LYPD6: variants seen among roughly 807,000 people sequenced by gnomAD.
LYPD6 encodes LY6/PLAUR domain containing 6, also known as ly6/PLAUR domain-containing protein 6.
In LYPD6, 15 loss-of-function variants were observed where a neutral mutation model predicts 22.7. That is an observed-to-expected ratio of 0.66 (90% CI 0.44 to 1.02). The LOEUF is 1.02. Among genes scored for constraint, LYPD6 ranks in the 50% least tolerant of loss-of-function variants. The pLI is 0.00. For synonymous variants in LYPD6, 72 were observed against 77.5 expected, an observed-to-expected ratio of 0.93 and a Z score of 0.37; for missense variants, 189 against 208.4, an observed-to-expected ratio of 0.91 and a Z score of 0.57.
chr2:149,420,666 A>G (rs1304675232), intron 1 of LYPD6, among the ~76,000 whole-genome samples: 1 of 152,176 alleles, frequency 6.6e-6, no homozygotes, highest in Non-Finnish European at 1.5e-5. Context: ...ACCAGGAAAG[A>G]TGCCATGGTA....
chr2:149,467,191 AC>A (rs1681219787), intron 3 of LYPD6, among the ~76,000 whole-genome samples: 1 of 152,164 alleles, frequency 6.6e-6, no homozygotes, highest in South Asian at 2.1e-4. Context: ...AGATGACCTT[AC>A]CCTACTCCCA....
intron 2 of LYPD6, among the ~76,000 whole-genome samples, chr2:149,444,726 C>G (rs1393088166): frequency 6.6e-6 from 1 of 152,074 alleles, no homozygotes; most frequent in Admixed American, 6.5e-5. Flanking sequence ...TACAGCAGTT[C>G]AGTCACCTTT....
intron 1 of LYPD6, among the ~76,000 whole-genome samples, chr2:149,360,223 T>A (rs937369344): frequency 6.6e-6 from 1 of 152,206 alleles, no homozygotes; most frequent in Non-Finnish European, 1.5e-5. Flanking sequence ...TTTGTCACCA[T>A]CTTGGCTTTG....
intron 3 of LYPD6, among the ~76,000 whole-genome samples, chr2:149,463,519 T>G (rs1402154990): frequency 2.0e-5 from 3 of 152,146 alleles, no homozygotes; most frequent in Non-Finnish European, 4.4e-5. Context: ...AACCCAGCAG[T>G]TTCACTTCTG....
chr2:149,470,549 G>C (rs1226032813), intron 4 of LYPD6, 134 bp from the exon 5 acceptor site: 1 of 693,060 alleles, frequency 1.4e-6, no homozygotes, highest in Non-Finnish European at 2.5e-6. Context: ...CCTGAACGTA[G>C]AGTTGGCATC....
chr2:149,357,585 T>G (rs1051258418), intron 1 of LYPD6, among the ~76,000 whole-genome samples: 9 of 152,210 alleles, frequency 5.9e-5, no homozygotes, highest in African/African-American at 1.9e-4. Context: ...ACTGTTTTAG[T>G]ATTACAAATT....
intron 3 of LYPD6, among the ~76,000 whole-genome samples, chr2:149,454,959 C>G (rs912629478): frequency 2.6e-5 from 4 of 152,068 alleles, no homozygotes; most frequent in Non-Finnish European, 4.4e-5. Context: ...TACTTCTCTG[C>G]CCCTTAGCAG....
chr2:149,457,818 C>T (rs1242986515), intron 3 of LYPD6, among the ~76,000 whole-genome samples: 1 of 152,132 alleles, frequency 6.6e-6, no homozygotes, highest in Non-Finnish European at 1.5e-5. Context: ...TGAAGGGACT[C>T]TGAAAGGTGT....
Position 149,470,683 on chromosome 2 carries a change from G to C in LYPD6, c.349G>C (p.Val117Leu). Reference sequence around the variant, plus strand: ...ATCTTTTTTTCTTCCTTTCTTTCAGGTCTGCACTTCTTGTTGTGAAGGAAA... The same window carrying C: ...ATCTTTTTTTCTTCCTTTCTTTCAGCTCTGCACTTCTTGTTGTGAAGGAAA... ...CRDSEHEGHKVCTSCCEGNIC... is the reference protein window; with the variant it reads ...CRDSEHEGHKLCTSCCEGNIC... Residue 117 changes from valine (V) to leucine (L), a missense_variant and splice_region_variant, in exon 5 of 5, where the codon GTC becomes CTC. Physicochemically the swap from Val to Leu is conservative, Grantham distance 32. Transcript: ENST00000334166. The C allele has an allele frequency of 6.2e-7, 1 of 1,612,470 alleles. No individual in the cohort carries two copies. Among genetic ancestry groups the C allele is most frequent in the South Asian group, 1.1e-5 (1 of 90,942 alleles).
intron 2 of LYPD6, among the ~76,000 whole-genome samples, chr2:149,444,895 T>C (rs1002769324): frequency 6.6e-5 from 10 of 152,264 alleles, no homozygotes; most frequent in African/African-American, 1.9e-4. Context: ...CAAATGTTCT[T>C]AATGGCACCT....
chr2:149,331,564 C>T (rs1178294433), intron 1 of LYPD6, among the ~76,000 whole-genome samples: 1 of 151,922 alleles, frequency 6.6e-6, no homozygotes, highest in East Asian at 1.9e-4. Flanking sequence ...TGGTCCTTGG[C>T]ATTTTCAAGT....
chr2:149,332,634 C>A (rs1680960356), intron 1 of LYPD6, among the ~76,000 whole-genome samples: 1 of 152,292 alleles, frequency 6.6e-6, no homozygotes, highest in Admixed American at 6.5e-5. Context: ...TTTTCAAATT[C>A]TTTCCTACCT....
intron 1 of LYPD6, among the ~76,000 whole-genome samples, chr2:149,356,450 A>T (rs1681450881): frequency 6.6e-6 from 1 of 152,336 alleles, no homozygotes; most frequent in Non-Finnish European, 1.5e-5. Flanking sequence ...ACATGGACAC[A>T]TCACCTCAGT....
At chr2:149,420,898 G>T (rs1161819555) in intron 1 of LYPD6, among the ~76,000 whole-genome samples, 1 of 152,176 alleles carries the variant, frequency 6.6e-6, no homozygotes, top group Non-Finnish European at 1.5e-5. Context: ...TGGCAACTTT[G>T]CAGAAGCATT....
At chr2:149,482,584 C>T in the LYPD6 span, among the ~76,000 whole-genome samples, 1 of 152,134 alleles carries the variant, frequency 6.6e-6, no homozygotes, top group African/African-American at 2.4e-5. Flanking sequence ...CTCTGAGCTC[C>T]CATATATCAT....
chr2:149,443,092 T>A (rs986365683), intron 2 of LYPD6, among the ~76,000 whole-genome samples: 1 of 152,190 alleles, frequency 6.6e-6, no homozygotes, highest in Non-Finnish European at 1.5e-5. Context: ...ATACTTTGGG[T>A]TCATTTTCAG....
intron 1 of LYPD6, among the ~76,000 whole-genome samples, chr2:149,429,607 T>C (rs1043138058): frequency 1.3e-5 from 2 of 152,250 alleles, no homozygotes; most frequent in Non-Finnish European, 2.9e-5. Context: ...TATCTGTAGC[T>C]GCTTTGCAAG....
At chr2:149,353,049 C>A (rs891139906) in intron 1 of LYPD6, among the ~76,000 whole-genome samples, 1 of 152,192 alleles carries the variant, frequency 6.6e-6, no homozygotes, top group Non-Finnish European at 1.5e-5. Flanking sequence ...TCCATGCATT[C>A]ATTCATGCAT....
rs575668716 is a variant in LYPD6, at chr2:149,394,638, C to T, written c.-71-43000C>T. Among the ~76,000 whole-genome samples, 17 of 152,198 alleles carry T rather than the reference C, an allele frequency of 1.1e-4. No individual in the cohort carries two copies. The South Asian group carries it at 3.5e-3, about 32-fold the overall frequency. Reference sequence around the variant, plus strand: ...TGCTCATTCTTTCATATATCTCTCTCTCTTTCTGTCTCTCTCTACACATGC... The same window carrying T: ...TGCTCATTCTTTCATATATCTCTCTTTCTTTCTGTCTCTCTCTACACATGC... On this transcript the variant is annotated intron_variant, in intron 1 of 4. Coordinates refer to ENST00000334166, the MANE Select transcript of LYPD6 (RefSeq NM_194317.5).
Sources: gnomAD v4.1 joint callset for allele counts (sites outside exome capture counted in the v4.1 genomes callset) on GRCh38, gnomAD v4.1.1 for gene constraint, MANE v1.5 for transcripts, NCBI Gene and HGNC (gene_info 2026-07-23, HGNC 2026-07-21) for gene names.